SLIT2: variants seen among roughly 807,000 people sequenced by gnomAD.
SLIT2 encodes the protein slit guidance ligand 2.
Under a neutral mutation model 185.7 loss-of-function variants are expected in SLIT2, and 41 were observed. The observed-to-expected ratio is 0.22, with a 90% confidence interval of 0.17 to 0.29. SLIT2 has a LOEUF of 0.29. SLIT2 is among the 10% of genes least tolerant of loss of function. SLIT2 has a pLI of 1.00. For synonymous variants in SLIT2, 693 were observed against 680.2 expected, an observed-to-expected ratio of 1.02 and a Z score of -0.29; for missense variants, 1,571 against 1,909.0, an observed-to-expected ratio of 0.82 and a Z score of 3.30.
intron 5 of SLIT2, 120 bp downstream of exon 5, chr4:20,467,943 G>A (rs530276084): frequency 4.1e-5 from 21 of 511,906 alleles, no homozygotes; most frequent in African/African-American, 3.0e-4. Flanking sequence ...TTATGCTTGC[G>A]TAGGAGACCT....
At chr4:20,526,156 T>C (rs924268034) in intron 15 of SLIT2, among the ~76,000 whole-genome samples, 1 of 152,156 alleles carries the variant, frequency 6.6e-6, no homozygotes, top group South Asian at 2.1e-4. Context: ...AGTCTAACTT[T>C]CCATATTTTC....
chr4:20,587,629 A>C (rs1727169878), intron 29 of SLIT2, among the ~76,000 whole-genome samples: 2 of 152,172 alleles, frequency 1.3e-5, no homozygotes, highest in African/African-American at 2.4e-5. Flanking sequence ...GTCAACTCTC[A>C]GTTTTATTTT....
intron 4 of SLIT2, among the ~76,000 whole-genome samples, chr4:20,445,046 G>A (rs572168990): frequency 1.6e-4 from 25 of 152,226 alleles, no homozygotes; most frequent in African/African-American, 5.8e-4. Context: ...GCCGCAATGG[G>A]GTGATTCAGC....
At chr4:20,412,028 T>C (rs1364957216) in intron 4 of SLIT2, among the ~76,000 whole-genome samples, 1 of 152,170 alleles carries the variant, frequency 6.6e-6, no homozygotes, top group Non-Finnish European at 1.5e-5. Context: ...TAATATTCTT[T>C]CGTTTTATAC....
intron 4 of SLIT2, chr4:20,364,312 A>C: frequency 2.0e-6 from 2 of 981,248 alleles, no homozygotes; most frequent in South Asian, 9.4e-5. Flanking sequence ...TAATGGTTCA[A>C]GTAATTGAAA....
At chr4:20,606,504 A>G (rs1327451812) in intron 33 of SLIT2, among the ~76,000 whole-genome samples, 1 of 152,230 alleles carries the variant, frequency 6.6e-6, no homozygotes, top group East Asian at 1.9e-4. Flanking sequence ...GGAATCTAAA[A>G]TCATGAACTT....
intron 4 of SLIT2, among the ~76,000 whole-genome samples, chr4:20,374,199 T>G (rs570716033): frequency 6.6e-6 from 1 of 152,230 alleles, no homozygotes; most frequent in Admixed American, 6.6e-5. Flanking sequence ...GCAGGGTGTC[T>G]GGAGGAATGA....
At chr4:20,569,063 G>C in intron 29 of SLIT2, 59 bp downstream of exon 29, 1 of 1,384,194 alleles carries the variant, frequency 7.2e-7, no homozygotes, top group East Asian at 2.3e-5. Context: ...AAGCATCATT[G>C]GAACTATGTT....
intron 3 of SLIT2, among the ~76,000 whole-genome samples, chr4:20,263,311 G>C (rs892784173): frequency 1.4e-5 from 2 of 141,010 alleles, no homozygotes; most frequent in Non-Finnish European, 3.3e-5. Context: ...TAATAGGGCT[G>C]TGATTTGATC....
chr4:20,598,198 T>C, intron 32 of SLIT2, 67 bp from the exon 33 acceptor site: 1 of 1,518,014 alleles, frequency 6.6e-7, no homozygotes, highest in Non-Finnish European at 9.0e-7. Flanking sequence ...CACTTAGCAG[T>C]CTCTTTCTGA....
chr4:20,470,227 A>G (rs1714834328), intron 5 of SLIT2, among the ~76,000 whole-genome samples: 1 of 152,170 alleles, frequency 6.6e-6, no homozygotes, highest in Non-Finnish European at 1.5e-5. Flanking sequence ...AATGCATCAT[A>G]AGGGGAGACA....
intron 4 of SLIT2, among the ~76,000 whole-genome samples, chr4:20,277,265 T>G (rs1365185199): frequency 3.3e-5 from 5 of 152,182 alleles, no homozygotes; most frequent in Non-Finnish European, 7.3e-5. Flanking sequence ...TGGGAGGTTT[T>G]AATATCCAAG....
intron 29 of SLIT2, among the ~76,000 whole-genome samples, chr4:20,583,967 A>C (rs1726827937): frequency 6.6e-6 from 1 of 152,112 alleles, no homozygotes; most frequent in South Asian, 2.1e-4. Context: ...TAATACTCAC[A>C]ATATCAGTAC....
chr4:20,599,340 A>C (rs912857210), intron 33 of SLIT2, among the ~76,000 whole-genome samples: 1 of 152,156 alleles, frequency 6.6e-6, no homozygotes. Context: ...CAATTTAGCT[A>C]TTTAATTTTT....
intron 33 of SLIT2, 143 bp downstream of exon 33, chr4:20,598,538 G>A (rs537758502): frequency 1.2e-6 from 1 of 868,366 alleles, no homozygotes; most frequent in South Asian, 1.6e-5. Flanking sequence ...GAAAAACCTG[G>A]CAGGAACAGA....
intron 18 of SLIT2, among the ~76,000 whole-genome samples, chr4:20,537,366 G>C (rs550891812): frequency 1.4e-5 from 2 of 143,990 alleles, no homozygotes; most frequent in Non-Finnish European, 3.1e-5. Context: ...GACAACTTTT[G>C]TATAGCTCTG....
chr4:20,301,646 T>G (rs1352760058), intron 4 of SLIT2, among the ~76,000 whole-genome samples: 1 of 152,156 alleles, frequency 6.6e-6, no homozygotes, highest in African/African-American at 2.4e-5. Flanking sequence ...CCAAGTAACA[T>G]TTCTTTTAAA....
intron 4 of SLIT2, among the ~76,000 whole-genome samples, chr4:20,350,214 T>G: frequency 6.6e-6 from 1 of 152,246 alleles, no homozygotes; most frequent in African/African-American, 2.4e-5. Flanking sequence ...CAGAGCATAC[T>G]TTTGATTCTG....
At chr4:20,517,855 G>A (rs1050481537) in intron 11 of SLIT2, among the ~76,000 whole-genome samples, 3 of 151,842 alleles carry the variant, frequency 2.0e-5, no homozygotes, top group Admixed American at 6.6e-5. Context: ...GCTGCCAAAC[G>A]TATCAATTAT....
Sources: gnomAD v4.1 joint callset for allele counts (sites outside exome capture counted in the v4.1 genomes callset) on GRCh38, gnomAD v4.1.1 for gene constraint, MANE v1.5 for transcripts, NCBI Gene and HGNC (gene_info 2026-07-23, HGNC 2026-07-21) for gene names.